Variants in TTC19 observed in about 807,000 individuals in gnomAD.
TTC19 encodes tetratricopeptide repeat protein 19, mitochondrial.
TTC19 carries 38 observed loss-of-function variants against 49.5 expected under a neutral mutation model. The ratio of observed to expected loss-of-function variants is 0.77; its 90% CI spans 0.59 to 1.01. The LOEUF is 1.01. Ranked by LOEUF, TTC19 falls within the 50% of genes least tolerant of loss-of-function variation. TTC19 has a pLI of 0.00. For synonymous variants in TTC19, 204 were observed against 185.2 expected (o/e 1.10, Z -0.83); for missense variants, 475 against 477.7 (o/e 0.99, Z 0.05).
chr17:16,027,208 G>A (rs997996112), intron 9 of TTC19, 166 bp from the exon 10 acceptor site: 2 of 773,374 alleles, frequency 2.6e-6, no homozygotes, highest in African/African-American at 1.7e-5. Flanking sequence ...ACAGCATTCA[G>A]TGGAGTTCCA....
chr17:16,041,109 T>C (rs1019456985), intron 2 of TTC19: 1 of 152,330 alleles, frequency 6.6e-6, no homozygotes, highest in Admixed American at 6.5e-5. Context: ...AAAATGACTG[T>C]GTTTCCCTGC....
In TTC19 at chr17:15,999,956, G is replaced by C; in HGVS notation, c.108G>C (p.Pro36=). The part of the protein sequence containing the change: ...ARLLPGLAGG[P]GPEVQVPPSR... ...TGCTCCCGGGGCTGGCAGGAGGTCC[G>C]GGGCCCGAGGTGCAGGTGCCGCCAT... The change falls in exon 1 of 10, where the codon CCG becomes CCC. Residue 36 remains proline, a synonymous_variant. Coordinates refer to ENST00000261647, the MANE Select transcript of TTC19 (RefSeq NM_017775.4). 4 of 1,318,662 alleles carry C rather than the reference G, an allele frequency of 3.0e-6. No homozygotes were observed. Among genetic ancestry groups the C allele is most frequent in the Non-Finnish European group, 3.8e-6 (4 of 1,039,708 alleles). The allele number at this position is 1,318,662 out of a possible 1,614,324, so 81.7% of individuals were successfully genotyped here. A position where few individuals can be genotyped will look rare whatever the true frequency, so the allele number is the denominator to read the frequency against.
chr17:16,023,865 A>G (rs1018771481), intron 7 of TTC19: 1 of 152,216 alleles, frequency 6.6e-6, no homozygotes, highest in African/African-American at 2.4e-5. Context: ...CTTAAACTCT[A>G]TGCCACTTGT....
chr17:16,044,789 G>C (rs1597774142), exon 3 of TTC19: 3 of 1,103,036 alleles, frequency 2.7e-6, no homozygotes, highest in East Asian at 4.8e-5. Context: ...TGTCAACATT[G>C]GGAGCCTCAT....
In TTC19 at chr17:16,000,134, G is replaced by A. The variant is rs1207422191; in HGVS notation, c.201G>A (p.Ser67=). Residue 67 remains serine, a synonymous_variant, in exon 2 of 10, where the codon TCG becomes TCA. Transcript: ENST00000261647. ...TTCCCGCAGCGCTCGCCTGGTTCTC[G>A]AGGCCCGCTGCGGCAGAGGAGGAGG... is the stretch of plus-strand genomic sequence containing the variant. ...LPLLAALAWF[S]RPAAAEEEEQ... The A allele has an allele frequency of 6.4e-7, 1 of 1,573,388 alleles. No individual in the cohort carries two copies. The highest frequency in any genetic ancestry group is 8.6e-7 in the Non-Finnish European group (1 of 1,168,082).
At chr17:16,014,256 C>G (rs763595591) in intron 7 of TTC19, among the ~76,000 whole-genome samples, 9 of 152,184 alleles carry the variant, frequency 5.9e-5, no homozygotes, top group Non-Finnish European at 1.0e-4. Flanking sequence ...CCATTTCTAA[C>G]CCAGTCCTTG....
chr17:16,016,373 T>C (rs1229753219), intron 7 of TTC19, among the ~76,000 whole-genome samples: 1 of 152,178 alleles, frequency 6.6e-6, no homozygotes, highest in African/African-American at 2.4e-5. Flanking sequence ...CTTGATTTTA[T>C]TTATTGAGAT....
At chr17:16,032,369 T>C (rs1567603370), downstream of TTC19, 1 of 1,614,148 alleles carries the variant, frequency 6.2e-7, no homozygotes, top group South Asian at 1.1e-5. Context: ...CCAGATCCTG[T>C]TCTGTTGGTG....
intron 7 of TTC19, 92 bp from the exon 8 acceptor site, chr17:16,024,925 T>G (rs972639418): frequency 5.2e-6 from 6 of 1,156,514 alleles, no homozygotes; most frequent in Middle Eastern, 2.1e-4. Context: ...CATTGTTCCC[T>G]AAGTGACATG....
intron 7 of TTC19, among the ~76,000 whole-genome samples, chr17:16,016,626 C>T (rs1597461004): frequency 1.4e-5 from 2 of 142,028 alleles, no homozygotes; most frequent in Non-Finnish European, 3.0e-5. Context: ...GGCGTGATCT[C>T]GGCTCACTGC....
chr17:16,044,810 G>C (rs2058386226), exon 3 of TTC19: 2 of 1,101,904 alleles, frequency 1.8e-6, no homozygotes, highest in East Asian at 2.4e-5. Context: ...CTACAATGTA[G>C]GGGCTGGTGG....
intron 7 of TTC19, among the ~76,000 whole-genome samples, chr17:16,017,075 C>T (rs570379790): frequency 1.3e-5 from 2 of 152,146 alleles, no homozygotes; most frequent in Non-Finnish European, 2.9e-5. Flanking sequence ...TTATTTGTTA[C>T]GAATTGTCCC....
In TTC19 at chr17:16,028,669, T is replaced by C. The variant is rs1053802615; in HGVS notation, c.*1147T>C. 2.4e-5 allele frequency: 11 copies of C among 453,646 alleles called. No homozygotes were observed. Among genetic ancestry groups the C allele is most frequent in the African/African-American group, 6.0e-5 (3 of 49,910 alleles). The allele number at this position is 453,646 out of a possible 1,614,324, so 28.1% of individuals were successfully genotyped here. On this transcript the variant is annotated 3_prime_UTR_variant, in exon 10 of 10. Transcript: ENST00000261647. ...TTTTTCTAGGTACCATGAAGGAAGA[T>C]TGACCCTGTTGGTATGCCTGTGGGG...
downstream of TTC19, chr17:16,031,341 G>T (rs1459616876): frequency 5.3e-6 from 1 of 189,398 alleles, no homozygotes; most frequent in East Asian, 8.5e-5. Flanking sequence ...GGAAAAATAT[G>T]TAAGCTTTTC....
chr17:16,007,526 G>A (rs1418191863), intron 7 of TTC19, among the ~76,000 whole-genome samples: 1 of 152,030 alleles, frequency 6.6e-6, no homozygotes, highest in Admixed American at 6.5e-5. Context: ...ACTTCTCTTT[G>A]TCATATTCAA....
chr17:16,010,656 TAG>T (rs1424151864), intron 7 of TTC19, among the ~76,000 whole-genome samples: 1 of 151,780 alleles, frequency 6.6e-6, no homozygotes, highest in Non-Finnish European at 1.5e-5. Context: ...GTATTTTTAG[TAG>T]AGACTGGGTT....
At chr17:16,000,330 C>T (rs1220553423) in intron 2 of TTC19, 85 bp downstream of exon 2, 3 of 1,556,232 alleles carry the variant, frequency 1.9e-6, no homozygotes, top group African/African-American at 2.7e-5. Flanking sequence ...TTACTCTCTC[C>T]GCCTCGCCGA....
exon 3 of TTC19, chr17:16,044,806 T>C (rs138999666): frequency 2.7e-6 from 3 of 1,105,248 alleles, no homozygotes; most frequent in Admixed American, 3.4e-5. Context: ...TCATCTACAA[T>C]GTAGGGGCTG....
At chr17:16,040,119 C>A (rs1204259709) in intron 2 of TTC19, 1 of 505,764 alleles carries the variant, frequency 2.0e-6, no homozygotes, top group Non-Finnish European at 3.8e-6. Flanking sequence ...CAGATAACTC[C>A]TTAAGGAAAT....
Sources: gnomAD v4.1 joint callset for allele counts (sites outside exome capture counted in the v4.1 genomes callset) on GRCh38, gnomAD v4.1.1 for gene constraint, MANE v1.5 for transcripts, NCBI Gene and HGNC (gene_info 2026-07-23, HGNC 2026-07-21) for gene names.